WNT4: variants seen among roughly 807,000 people sequenced by gnomAD.
The protein encoded by WNT4 is Wnt family member 4.
A neutral mutation model predicts 34.5 loss-of-function variants in WNT4; 16 were observed. That is an observed-to-expected ratio of 0.46 (90% confidence interval 0.31 to 0.70). The LOEUF (loss-of-function observed/expected upper bound fraction) is 0.70. WNT4 is among the 30% of genes least tolerant of loss of function. The pLI is 0.04. For missense variants in WNT4, 379 were observed against 495.9 expected (o/e 0.76, Z 2.24); for synonymous variants, 200 against 211.9 (o/e 0.94, Z 0.49).
At chr1:22,129,094 G>A (rs759730403) in intron 2 of WNT4, among the ~76,000 whole-genome samples, 3 of 152,176 alleles carry the variant, frequency 2.0e-5, no homozygotes, top group Non-Finnish European at 2.9e-5. Context: ...GTGCATCCCT[G>A]TATCTCAGGG....
In WNT4 at chr1:22,134,012, G is replaced by T. The variant is rs529697903; in HGVS notation, c.78-4161C>A. On this transcript the variant is annotated intron_variant, in intron 1 of 4. Transcript: ENST00000290167. The surrounding 1 kb of genome is among the most constrained non-coding windows in gnomAD (Gnocchi z 4.1). ...CCTAGAGGAAAATCTGCACCTCTGC[G>T]ACTCCTCCCAGCTCTTACGCTGTGA... is the stretch of plus-strand genomic sequence containing the variant. Among the ~76,000 whole-genome samples the T allele has an allele frequency of 2.2e-4, 33 of 152,362 alleles. 1 individual carries two copies. In the East Asian group the frequency reaches 6.4e-3, roughly 29 times the overall value.
rs1310532269 is a variant in WNT4 at position 22,139,971 on chromosome 1, C to T, written c.77+2875G>A. On this transcript the variant is annotated intron_variant, in intron 1 of 4. Coordinates refer to ENST00000290167, the MANE Select transcript of WNT4 (RefSeq NM_030761.5). The surrounding 1 kb of genome is among the most constrained non-coding windows in gnomAD (Gnocchi z 4.6). ...TGGGCCTGCCCAGGCCTCAGGCTGC[C>T]CTCCCAGCTCCAGGCTCCATCCTGC... 6.6e-6 allele frequency among the ~76,000 whole-genome samples: 1 copy of T among 152,252 alleles called. No individual in the cohort carries two copies. Among genetic ancestry groups the T allele is most frequent in the Non-Finnish European group, 1.5e-5 (1 of 68,046 alleles).
At chr1:22,141,977 G>C (rs986474238) in intron 1 of WNT4, among the ~76,000 whole-genome samples, 1 of 152,166 alleles carries the variant, frequency 6.6e-6, no homozygotes, top group Admixed American at 6.5e-5. Flanking sequence ...GTTAAGCGCG[G>C]GGCATGGGGA....
chr1:22,119,867 G>A lies in WNT4; in HGVS notation c.*183C>T, dbSNP rs1645879366. On this transcript the variant is annotated 3_prime_UTR_variant, in exon 5 of 5. Transcript: ENST00000290167. Reference sequence around the variant, plus strand: ...CCACAAAGGCCCAGGCTTTGGGGAGGCCCTGGTTGGTGCCCTTGGGGTTGC... The same window carrying A: ...CCACAAAGGCCCAGGCTTTGGGGAGACCCTGGTTGGTGCCCTTGGGGTTGC... 2 of 716,912 alleles carry A rather than the reference G, an allele frequency of 2.8e-6. No individual in the cohort carries two copies. The highest frequency in any genetic ancestry group is 3.6e-5 in the African/African-American group (2 of 56,236). The allele number at this position is 716,912 out of a possible 1,614,324, so 44.4% of individuals were successfully genotyped here.
intron 1 of WNT4, among the ~76,000 whole-genome samples, chr1:22,141,930 G>A (rs765483811): frequency 1.3e-5 from 2 of 152,234 alleles, no homozygotes; most frequent in Non-Finnish European, 2.9e-5. Flanking sequence ...CACAGCGGAT[G>A]GTGGCAGAGC....
In WNT4 at chr1:22,139,508, G is replaced by A. The variant is rs1356183374; in HGVS notation, c.77+3338C>T. Among the ~76,000 whole-genome samples the A allele has an allele frequency of 3.3e-5, 5 of 152,142 alleles. No individual in the cohort carries two copies. In the East Asian group the frequency reaches 5.8e-4, roughly 18 times the overall value. ...CCGCCGGCCTGCCTCTGAGTGCAGCGTGGTCCCCCTCCCCTCACCCGTGGG... is the reference window on the plus strand; with the variant it reads ...CCGCCGGCCTGCCTCTGAGTGCAGCATGGTCCCCCTCCCCTCACCCGTGGG... On this transcript the variant is annotated intron_variant, in intron 1 of 4. Coordinates refer to ENST00000290167, the MANE Select transcript of WNT4 (RefSeq NM_030761.5). The surrounding 1 kb of genome is among the most constrained non-coding windows in gnomAD (Gnocchi z 4.6).
chr1:22,123,321 G>C (rs949592202), intron 2 of WNT4, among the ~76,000 whole-genome samples: 2 of 152,058 alleles, frequency 1.3e-5, no homozygotes, highest in Non-Finnish European at 1.5e-5. Flanking sequence ...GGTGGTCCCT[G>C]GGGTGCAGGG....
At chr1:22,123,228 C>T (rs925305908) in intron 2 of WNT4, among the ~76,000 whole-genome samples, 12 of 152,210 alleles carry the variant, frequency 7.9e-5, no homozygotes, top group Admixed American at 3.3e-4. Context: ...CCTGGCCTCG[C>T]GTGGTCCTTC....
At chr1:22,121,694 A>C in intron 2 of WNT4, 118 bp from the exon 3 acceptor site, 20 of 1,485,302 alleles carry the variant, frequency 1.3e-5, no homozygotes, top group Non-Finnish European at 1.8e-5. Flanking sequence ...AGGGAGCAAG[A>C]CAGGCAGAAA....
At chr1:22,124,847 TGTC>T (rs1303578011) in intron 2 of WNT4, among the ~76,000 whole-genome samples, 1 of 152,158 alleles carries the variant, frequency 6.6e-6, no homozygotes, top group Non-Finnish European at 1.5e-5. Flanking sequence ...GCACGTATCT[TGTC>T]GGAGGTGAGG....
chr1:22,137,822 G>C lies in WNT4; in HGVS notation c.77+5024C>G, dbSNP rs1003119021. On this transcript the variant is annotated intron_variant, in intron 1 of 4. Coordinates refer to ENST00000290167, the MANE Select transcript of WNT4 (RefSeq NM_030761.5). This position sits in a 1 kb window ranked among gnomAD's most constrained non-coding sequence, Gnocchi z 5.3. ...CAGTGAGGGGCAGAGCAGCAGATCGGGGGGGCAACAGACACACTTCCTGCC... is the reference window on the plus strand; with the variant it reads ...CAGTGAGGGGCAGAGCAGCAGATCGCGGGGGCAACAGACACACTTCCTGCC... Among the ~76,000 whole-genome samples the C allele has an allele frequency of 6.6e-6, 1 of 152,162 alleles. No homozygotes were observed. Among genetic ancestry groups the C allele is most frequent in the African/African-American group, 2.4e-5 (1 of 41,424 alleles).
rs768950756 is a variant in WNT4 at position 22,121,249 on chromosome 1, C to T, written c.550G>A (p.Ala184Thr). Reference protein sequence around the residue: ...ERSKGASSSRALMNLHNNEAG... With the variant: ...ERSKGASSSRTLMNLHNNEAG... ...TCATTGTTGTGGAGGTTCATGAGGG[C>T]TCTGCTGGACGAGGCCCCCTTGCTT... The change falls in exon 4 of 5, where the codon GCC becomes ACC. Residue 184 changes from alanine to threonine, a missense_variant. Ala to Thr is a moderately conservative substitution (Grantham distance 58). Coordinates refer to ENST00000290167, the MANE Select transcript of WNT4 (RefSeq NM_030761.5). 2 of 1,614,150 alleles carry T rather than the reference C, an allele frequency of 1.2e-6. No homozygotes were observed. Among genetic ancestry groups the T allele is most frequent in the East Asian group, 2.2e-5 (1 of 44,872 alleles).
chr1:22,125,112 A>G (rs1645930602), intron 2 of WNT4, among the ~76,000 whole-genome samples: 1 of 152,162 alleles, frequency 6.6e-6, no homozygotes, highest in Admixed American at 6.5e-5. Flanking sequence ...TAGCAGTGTG[A>G]CCTTTCTTTC....
chr1:22,135,223 C>G (rs145508798), intron 1 of WNT4, among the ~76,000 whole-genome samples: 117 of 152,320 alleles, frequency 7.7e-4, no homozygotes, highest in African/African-American at 2.6e-3. Context: ...TGCATGGGAC[C>G]TTCACTTATA....
At chr1:22,141,304 G>A (rs1028154648) in intron 1 of WNT4, among the ~76,000 whole-genome samples, 3 of 151,976 alleles carry the variant, frequency 2.0e-5, no homozygotes, top group African/African-American at 4.8e-5. Context: ...TGGCTTTGGC[G>A]GTGCTGGGCA....
In WNT4 at chr1:22,119,866, G is replaced by T; in HGVS notation, c.*184C>A. 1 of 708,090 alleles carries T rather than the reference G, an allele frequency of 1.4e-6. No individual in the cohort carries two copies. Among genetic ancestry groups the T allele is most frequent in the Non-Finnish European group, 2.3e-6 (1 of 430,558 alleles). 43.9% of individuals were successfully genotyped at this position (708,090 alleles called of 1,614,324 possible). A position where few individuals can be genotyped will look rare whatever the true frequency, so the allele number is the denominator to read the frequency against. ...GCCACAAAGGCCCAGGCTTTGGGGA[G>T]GCCCTGGTTGGTGCCCTTGGGGTTG... On this transcript the variant is annotated 3_prime_UTR_variant, in exon 5 of 5. Coordinates refer to ENST00000290167, the MANE Select transcript of WNT4 (RefSeq NM_030761.5).
chr1:22,135,837 C>A (rs926504189), intron 1 of WNT4, among the ~76,000 whole-genome samples: 1 of 152,178 alleles, frequency 6.6e-6, no homozygotes, highest in South Asian at 2.1e-4. Flanking sequence ...AGAGAGAGAA[C>A]GGCCTCCCCT....
chr1:22,132,730 G>A (rs1337925896), intron 1 of WNT4, among the ~76,000 whole-genome samples: 1 of 152,208 alleles, frequency 6.6e-6, no homozygotes, highest in Non-Finnish European at 1.5e-5. Context: ...CACTGGGCCA[G>A]CTTCCAGGAA....
intron 4 of WNT4, 75 bp downstream of exon 4, chr1:22,121,136 G>T (rs1395561367): frequency 1.3e-6 from 2 of 1,515,888 alleles, no homozygotes; most frequent in African/African-American, 1.9e-5. Context: ...CTGAGTGGCC[G>T]TGTGGGTGGG....
Sources: gnomAD v4.1 joint callset for allele counts (sites outside exome capture counted in the v4.1 genomes callset) on GRCh38, gnomAD v4.1.1 for gene constraint, Gnocchi (gnomAD v3.1) non-coding constraint, MANE v1.5 for transcripts, NCBI Gene and HGNC (gene_info 2026-07-23, HGNC 2026-07-21) for gene names.